PTPRN2: variants seen among roughly 807,000 people sequenced by gnomAD.
PTPRN2 encodes protein tyrosine phosphatase receptor type N2.
A neutral mutation model predicts 118.8 loss-of-function variants in PTPRN2; 74 were observed. The observed-to-expected ratio is 0.62, with a 90% CI of 0.52 to 0.76. The LOEUF (loss-of-function observed/expected upper bound fraction) is 0.76. PTPRN2 is among the 30% of genes least tolerant of loss of function. The pLI is 0.00. For synonymous variants in PTPRN2, 641 were observed against 608.0 expected, an observed-to-expected ratio of 1.05 and a Z score of -0.80; for missense variants, 1,481 against 1,394.4, an observed-to-expected ratio of 1.06 and a Z score of -0.99.
chr7:158,140,023 C>T (rs866040135), intron 6 of PTPRN2, among the ~76,000 whole-genome samples: 50 of 148,768 alleles, frequency 3.4e-4, no homozygotes, highest in Non-Finnish European at 4.3e-4. Context: ...CCCAGAGCTG[C>T]GGGAGGAGCC....
At chr7:157,788,852 C>T (rs1035242668) in intron 12 of PTPRN2, among the ~76,000 whole-genome samples, 16 of 152,234 alleles carry the variant, frequency 1.1e-4, no homozygotes, top group South Asian at 4.2e-4. Context: ...GGGAGGCAGC[C>T]GGGGCCACAT....
chr7:157,970,275 C>A (rs553220693), intron 11 of PTPRN2, among the ~76,000 whole-genome samples: 2 of 152,326 alleles, frequency 1.3e-5, no homozygotes, highest in East Asian at 3.9e-4. Flanking sequence ...CACCAGCACA[C>A]AAGTACCCAA....
chr7:158,233,819 C>G (rs529947894), intron 3 of PTPRN2, among the ~76,000 whole-genome samples: 30 of 152,100 alleles, frequency 2.0e-4, no homozygotes, highest in East Asian at 7.7e-4. Flanking sequence ...TAAATTCACA[C>G]GTTTATAACC....
At chr7:157,695,229 G>C (rs1030548542) in intron 12 of PTPRN2, among the ~76,000 whole-genome samples, 1 of 151,986 alleles carries the variant, frequency 6.6e-6, no homozygotes, top group African/African-American at 2.4e-5. Flanking sequence ...ACAAAATAGA[G>C]AAAGACTGTT....
At chr7:158,359,088 A>G (rs1219223125) in intron 2 of PTPRN2, among the ~76,000 whole-genome samples, 1 of 152,178 alleles carries the variant, frequency 6.6e-6, no homozygotes, top group Non-Finnish European at 1.5e-5. Flanking sequence ...AGCTAATCCA[A>G]CCACAGGAAG....
chr7:157,857,018 G>C (rs1408477352), intron 12 of PTPRN2, among the ~76,000 whole-genome samples: 1 of 152,078 alleles, frequency 6.6e-6, no homozygotes, highest in Non-Finnish European at 1.5e-5. Flanking sequence ...GAGGTGGCCA[G>C]GTTTGCAAAG....
chr7:158,315,752 G>A (rs12155019), intron 3 of PTPRN2, among the ~76,000 whole-genome samples: 98,513 of 152,150 alleles, frequency 0.65, 32,299 homozygotes, highest in Non-Finnish European at 0.71. Context: ...AGGGCAACTG[G>A]GGAAGAGACA....
At chr7:158,334,117 C>A (rs1805091704) in intron 2 of PTPRN2, among the ~76,000 whole-genome samples, 1 of 54,862 alleles carries the variant, frequency 1.8e-5, no homozygotes, top group Non-Finnish European at 3.9e-5. Context: ...AGACGTCACT[C>A]ACACCCACAC....
chr7:157,832,379 T>G (rs1344240701), intron 12 of PTPRN2, among the ~76,000 whole-genome samples: 1 of 152,210 alleles, frequency 6.6e-6, no homozygotes, highest in African/African-American at 2.4e-5. Context: ...TTCAGGAAGG[T>G]TGCCTTTGTA....
chr7:158,441,204 G>GTCA (rs1817109071), intron 2 of PTPRN2, among the ~76,000 whole-genome samples: 1 of 146,116 alleles, frequency 6.8e-6, no homozygotes, highest in Non-Finnish European at 1.5e-5. Flanking sequence ...GATGGTGATG[G>GTCA]TGGTGGTGGT....
At chr7:158,272,243 C>G (rs1024734470) in intron 3 of PTPRN2, among the ~76,000 whole-genome samples, 2 of 152,190 alleles carry the variant, frequency 1.3e-5, no homozygotes, top group African/African-American at 4.8e-5. Context: ...GACGTCTTGT[C>G]TTCGGAGAGC....
chr7:158,056,805 T>C (rs1809827220), intron 11 of PTPRN2, among the ~76,000 whole-genome samples: 1 of 152,310 alleles, frequency 6.6e-6, no homozygotes, highest in South Asian at 2.1e-4. Context: ...TTGGAGTCCT[T>C]ACAGAAGCTG....
At chr7:158,356,104 T>C (rs531072523) in intron 2 of PTPRN2, among the ~76,000 whole-genome samples, 7 of 152,316 alleles carry the variant, frequency 4.6e-5, no homozygotes, top group Admixed American at 3.9e-4. Context: ...GCTGTCTTTA[T>C]GGTATTTAAG....
intron 2 of PTPRN2, among the ~76,000 whole-genome samples, chr7:158,346,655 A>T (rs1267483271): frequency 6.6e-6 from 1 of 152,180 alleles, no homozygotes; most frequent in Non-Finnish European, 1.5e-5. Flanking sequence ...TTGCTAGATG[A>T]TATGGTAGTT....
intron 12 of PTPRN2, among the ~76,000 whole-genome samples, chr7:157,820,140 G>A (rs182008165): frequency 1.9e-4 from 29 of 149,108 alleles, no homozygotes; most frequent in African/African-American, 7.2e-4. Context: ...GCACACAGCA[G>A]ACCCCCACAC....
chr7:158,064,844 G>A (rs987086495), intron 11 of PTPRN2, among the ~76,000 whole-genome samples: 1 of 152,114 alleles, frequency 6.6e-6, no homozygotes, highest in Non-Finnish European at 1.5e-5. Context: ...CTGGGCTGTC[G>A]GGTGTCCCTG....
chr7:158,054,683 C>G (rs1000574145), intron 11 of PTPRN2, among the ~76,000 whole-genome samples: 8 of 152,218 alleles, frequency 5.3e-5, no homozygotes, highest in Non-Finnish European at 1.0e-4. Context: ...TCCCACACCT[C>G]TACACGGCTG....
At chr7:157,942,426 G>A (rs1800203868) in intron 11 of PTPRN2, among the ~76,000 whole-genome samples, 1 of 152,206 alleles carries the variant, frequency 6.6e-6, no homozygotes, top group Admixed American at 6.5e-5. Context: ...GAGTCAGGCA[G>A]CCTCAGCGAA....
chr7:158,371,570 G>T (rs961217268), intron 2 of PTPRN2, among the ~76,000 whole-genome samples: 1 of 152,136 alleles, frequency 6.6e-6, no homozygotes, highest in Non-Finnish European at 1.5e-5. Flanking sequence ...TGATGACCTT[G>T]TGACGCAACA....
Sources: gnomAD v4.1 joint callset for allele counts (sites outside exome capture counted in the v4.1 genomes callset) on GRCh38, gnomAD v4.1.1 for gene constraint, MANE v1.5 for transcripts, NCBI Gene and HGNC (gene_info 2026-07-23, HGNC 2026-07-21) for gene names.